The following TIAL1 variants were observed in gnomAD, a reference collection of about 807,000 sequenced individuals.
The protein encoded by TIAL1 is TIA1 cytotoxic granule associated RNA binding protein like 1.
A neutral mutation model predicts 59.7 loss-of-function variants in TIAL1; 7 were observed. The ratio of observed to expected loss-of-function variants is 0.12; its 90% CI spans 0.07 to 0.22. The LOEUF (loss-of-function observed/expected upper bound fraction) is 0.22. Among genes scored for constraint, TIAL1 ranks in the 10% least tolerant of loss-of-function variants. TIAL1 has a pLI of 1.00. For missense variants in TIAL1, 225 were observed against 462.5 expected, an observed-to-expected ratio of 0.49 and a Z score of 4.71; for synonymous variants, 149 against 146.3, an observed-to-expected ratio of 1.02 and a Z score of -0.13.
At chr10:119,595,709 C>T (rs1846139442) in intron 1 of TIAL1, among the ~76,000 whole-genome samples, 1 of 152,160 alleles carries the variant, frequency 6.6e-6, no homozygotes, top group Admixed American at 6.5e-5. Flanking sequence ...AGAGGCAACA[C>T]CTAGAGAGCA....
chr10:119,576,785 A>AT (rs1389542727), intron 10 of TIAL1, 35 bp from the exon 11 acceptor site: 5 of 1,608,428 alleles, frequency 3.1e-6, no homozygotes, highest in Non-Finnish European at 4.2e-6. Flanking sequence ...TAGGGAACAC[A>AT]TAAGAAACAC....
intron 1 of TIAL1, among the ~76,000 whole-genome samples, chr10:119,593,721 C>T (rs1846003120): frequency 6.6e-6 from 1 of 152,094 alleles, no homozygotes; most frequent in Non-Finnish European, 1.5e-5. Flanking sequence ...CATCATGTTA[C>T]TTATATCTAA....
In TIAL1 at chr10:119,582,446, C is replaced by A; in HGVS notation, c.228+13G>T. ...ATATGTACTCATAAGGTGCCATCAT[C>A]CTATTATCTTACCTTTCCCAAAATT... On this transcript the variant is annotated intron_variant, in intron 3 of 11. Coordinates refer to ENST00000436547, the MANE Select transcript of TIAL1 (RefSeq NM_003252.4). The surrounding 1 kb of genome is among the most constrained non-coding windows in gnomAD (Gnocchi z 5.1). 2 of 1,585,836 alleles carry A rather than the reference C, an allele frequency of 1.3e-6. No individual in the cohort carries two copies. Among genetic ancestry groups the A allele is most frequent in the East Asian group, 2.2e-5 (1 of 44,568 alleles).
At chr10:119,579,053 C>A in intron 6 of TIAL1, 1 of 548,458 alleles carries the variant, frequency 1.8e-6, no homozygotes, top group African/African-American at 1.9e-5. Context: ...CTTTATCTTA[C>A]CACTTCAATA....
At chr10:119,591,128 G>T (rs1336657697) in intron 1 of TIAL1, among the ~76,000 whole-genome samples, 1 of 152,060 alleles carries the variant, frequency 6.6e-6, no homozygotes, top group Non-Finnish European at 1.5e-5. Context: ...ATTCCACCAG[G>T]TGTGGTGGCT....
chr10:119,575,490 A>G lies in TIAL1; in HGVS notation c.*175T>C. 1 of 683,358 alleles carries G rather than the reference A, an allele frequency of 1.5e-6. No homozygotes were observed. Among genetic ancestry groups the G allele is most frequent in the Non-Finnish European group, 2.3e-6 (1 of 442,486 alleles). 42.3% of individuals were successfully genotyped at this position (683,358 alleles called of 1,614,324 possible). A position where few individuals can be genotyped will look rare whatever the true frequency, so the allele number is the denominator to read the frequency against. On this transcript the variant is annotated 3_prime_UTR_variant, in exon 12 of 12. Transcript: ENST00000436547. The stretch of plus-strand genomic sequence containing the variant: ...TATCCATCATGAACAAAAACTTAAA[A>G]AGGCAGAACTAGAAGACACGTGTCC...
At position 119,582,057 on chromosome 10, in the gene TIAL1, A is replaced by G. The variant is rs1845331814; in HGVS notation, c.284-48T>C. 1 of 1,607,376 alleles carries G rather than the reference A, an allele frequency of 6.2e-7. No homozygotes were observed. The highest frequency in any genetic ancestry group is 1.3e-5 in the African/African-American group (1 of 74,844). On this transcript the variant is annotated intron_variant, in intron 4 of 11. Coordinates refer to ENST00000436547, the MANE Select transcript of TIAL1 (RefSeq NM_003252.4). The surrounding 1 kb of genome is among the most constrained non-coding windows in gnomAD (Gnocchi z 5.1). ...TCAAATACTTAAGAAGTCAGCCACTAAAACCTTTTTAAGGCAACTCTAGAG... is the reference window on the plus strand; with the variant it reads ...TCAAATACTTAAGAAGTCAGCCACTGAAACCTTTTTAAGGCAACTCTAGAG...
In TIAL1 at chr10:119,576,743, T is replaced by C; in HGVS notation, c.869A>G (p.Tyr290Cys). 3.1e-6 allele frequency: 5 copies of C among 1,613,324 alleles called. No homozygotes were observed. Among genetic ancestry groups the C allele is most frequent in the Non-Finnish European group, 4.2e-6 (5 of 1,179,838 alleles). Reference sequence around the variant, plus strand: ...TTGGCTCCATTGGCCCCATTGACTATAGTCAACCTAGGAAAAAGCAAAGTA... The same window carrying C: ...TTGGCTCCATTGGCCCCATTGACTACAGTCAACCTAGGAAAAAGCAAAGTA... ...DMTKNFQQVD[Y>C]SQWGQWSQVY... The change falls in exon 11 of 12, where the codon TAT (tyrosine) becomes TGT (cysteine). Residue 290 changes from tyrosine (Y) to cysteine (C), a missense_variant. This residue lies in a region of TIAL1 where 80 missense variants were observed against 158.8 expected (regional missense o/e 0.50). Coordinates refer to ENST00000436547, the MANE Select transcript of TIAL1 (RefSeq NM_003252.4).
rs1846202907 is a variant in TIAL1, at chr10:119,596,496, G to C, written c.-31C>G. 2.0e-6 allele frequency: 3 copies of C among 1,537,850 alleles called. No individual in the cohort carries two copies. The highest frequency in any genetic ancestry group is 1.4e-5 in the African/African-American group (1 of 73,514). ...GTGCGACGGAGCGATCCCGGGACAA[G>C]GGGGAGGGCAGGGTTGGGGAGGGGA... is the stretch of plus-strand genomic sequence containing the variant. On this transcript the variant is annotated 5_prime_UTR_variant, in exon 1 of 12. Transcript: ENST00000436547.
Position 119,578,664 on chromosome 10 carries a change from AATACATG to A in TIAL1, c.556+55_556+61del, listed in dbSNP as rs1451127663. On this transcript the variant is annotated intron_variant, in intron 7 of 11. Transcript: ENST00000436547. ...ATAAATTAGAAATTGAGACTAGATG[AATACATG>A]ATACATGATTTTGTGAAGAATATAA... 12 of 1,349,750 alleles carry A rather than the reference AATACATG, an allele frequency of 8.9e-6. No individual in the cohort carries two copies. In the African/African-American group the frequency reaches 1.4e-4, roughly 16 times the overall value. 83.6% of individuals were successfully genotyped at this position (1,349,750 alleles called of 1,614,324 possible). A position where few individuals can be genotyped will look rare whatever the true frequency, so the allele number is the denominator to read the frequency against.
At chr10:119,591,180 G>A (rs1845864655) in intron 1 of TIAL1, among the ~76,000 whole-genome samples, 1 of 152,062 alleles carries the variant, frequency 6.6e-6, no homozygotes, top group Admixed American at 6.6e-5. Context: ...GAGGCAGGTG[G>A]ATCACTTGAG....
At chr10:119,587,708 C>T (rs1169525015) in intron 2 of TIAL1, among the ~76,000 whole-genome samples, 1 of 151,700 alleles carries the variant, frequency 6.6e-6, no homozygotes, top group East Asian at 1.9e-4. Flanking sequence ...GGTGCTGCTA[C>T]AGTCTTAGCA....
In TIAL1 at chr10:119,582,438, G is replaced by A. The variant is rs1845349080; in HGVS notation, c.228+21C>T. On this transcript the variant is annotated intron_variant, in intron 3 of 11. Coordinates refer to ENST00000436547, the MANE Select transcript of TIAL1 (RefSeq NM_003252.4). This position sits in a 1 kb window ranked among gnomAD's most constrained non-coding sequence, Gnocchi z 5.1. ...ATGCAAATATATGTACTCATAAGGT[G>A]CCATCATCCTATTATCTTACCTTTC... The A allele has an allele frequency of 7.6e-6, 12 of 1,575,212 alleles. No homozygotes were observed. Among genetic ancestry groups the A allele is most frequent in the Non-Finnish European group, 9.4e-6 (11 of 1,165,804 alleles).
chr10:119,581,698 T>G, intron 5 of TIAL1: 1 of 366,700 alleles, frequency 2.7e-6, no homozygotes, highest in Non-Finnish European at 4.9e-6. Context: ...TTTTTTAACA[T>G]ATTATACACA....
chr10:119,596,492 A>T lies in TIAL1; in HGVS notation c.-27T>A, dbSNP rs1377407090. The T allele has an allele frequency of 2.3e-6, 3 of 1,280,458 alleles. No individual in the cohort carries two copies. The African/African-American group carries it at 4.7e-5, about 20-fold the overall frequency. The allele number at this position is 1,280,458 out of a possible 1,614,324, so 79.3% of individuals were successfully genotyped here. ...GTGGGTGCGACGGAGCGATCCCGGG[A>T]CAAGGGGGAGGGCAGGGTTGGGGAG... On this transcript the variant is annotated 5_prime_UTR_variant, in exon 1 of 12. Coordinates refer to ENST00000436547, the MANE Select transcript of TIAL1 (RefSeq NM_003252.4).
chr10:119,576,520 T>C, intron 11 of TIAL1, 91 bp downstream of exon 11: 3 of 1,497,052 alleles, frequency 2.0e-6, no homozygotes, highest in Non-Finnish European at 2.7e-6. Context: ...TCAATGTATA[T>C]AATTAAAATA....
At chr10:119,584,792 G>A (rs1845469657) in intron 2 of TIAL1, among the ~76,000 whole-genome samples, 1 of 152,080 alleles carries the variant, frequency 6.6e-6, no homozygotes. Context: ...TCGTGCCACT[G>A]CACTCCAGCC....
At chr10:119,576,992 T>C (rs759353955) in intron 10 of TIAL1, 88 bp downstream of exon 10, 16 of 1,517,052 alleles carry the variant, frequency 1.1e-5, no homozygotes, top group Middle Eastern at 1.7e-4. Context: ...ATATGCTTTA[T>C]TTTATTGTTC....
intron 9 of TIAL1, 110 bp downstream of exon 9, chr10:119,577,341 C>T: frequency 7.0e-7 from 1 of 1,431,242 alleles, no homozygotes; most frequent in Non-Finnish European, 9.4e-7. Flanking sequence ...GCTTAAACTT[C>T]TATACTGCAA....
Sources: gnomAD v4.1 joint callset for allele counts (sites outside exome capture counted in the v4.1 genomes callset) on GRCh38, gnomAD v4.1.1 for gene constraint, gnomAD v4.1.1 regional missense constraint, Gnocchi (gnomAD v3.1) non-coding constraint, MANE v1.5 for transcripts, NCBI Gene and HGNC (gene_info 2026-07-23, HGNC 2026-07-21) for gene names.